Variants in SGCG observed in about 807,000 individuals in gnomAD.
SGCG encodes gamma-sarcoglycan.
Under a neutral mutation model 29.3 loss-of-function variants are expected in SGCG, and 26 were observed. The ratio of observed to expected loss-of-function variants is 0.89; its 90% CI spans 0.65 to 1.23. The LOEUF (loss-of-function observed/expected upper bound fraction) is 1.23, where lower values mean the gene tolerates loss of function less well. Among genes scored for constraint, SGCG ranks in the 50% most tolerant of loss-of-function variants. The pLI is 0.00. For synonymous variants in SGCG, 145 were observed against 129.7 expected (o/e 1.12, Z -0.80); for missense variants, 353 against 356.0 (o/e 0.99, Z 0.07).
At chr13:23,204,015 T>TCTGATTATTTAA in intron 2 of SGCG, 126 bp downstream of exon 2, 1 of 761,852 alleles carries the variant, frequency 1.3e-6, no homozygotes, top group African/African-American at 1.7e-5. Context: ...GGCTCTGAAT[T>TCTGATTATTTAA]TCAGGAGCAA....
At chr13:23,212,335 C>T (rs1356053080) in intron 2 of SGCG, among the ~76,000 whole-genome samples, 4 of 152,044 alleles carry the variant, frequency 2.6e-5, no homozygotes, top group African/African-American at 9.7e-5. Context: ...AGACAGGATC[C>T]TCCTACATTC....
chr13:23,166,039 C>T, the SGCG span, among the ~76,000 whole-genome samples: 2 of 152,078 alleles, frequency 1.3e-5, no homozygotes, highest in Non-Finnish European at 2.9e-5. Context: ...TTTCCTTTTC[C>T]TGTCCTATTG....
chr13:23,238,988 G>A (rs1050911544), intron 3 of SGCG, among the ~76,000 whole-genome samples: 1 of 151,952 alleles, frequency 6.6e-6, no homozygotes, highest in African/African-American at 2.4e-5. Flanking sequence ...CAATGTCAAG[G>A]GGCTTTATGT....
intron 2 of SGCG, among the ~76,000 whole-genome samples, chr13:23,206,726 A>G (rs996187264): frequency 1.3e-5 from 2 of 152,202 alleles, no homozygotes; most frequent in Non-Finnish European, 2.9e-5. Context: ...CAATAACATC[A>G]AAAAGAATGC....
At chr13:23,161,371 T>A in the SGCG span, among the ~76,000 whole-genome samples, 1 of 152,242 alleles carries the variant, frequency 6.6e-6, no homozygotes, top group Admixed American at 6.5e-5. Flanking sequence ...CTGTGAAACA[T>A]CTACTCATCC....
chr13:23,229,529 G>A (rs1360008835), intron 2 of SGCG, among the ~76,000 whole-genome samples: 1 of 152,098 alleles, frequency 6.6e-6, no homozygotes, highest in Non-Finnish European at 1.5e-5. Flanking sequence ...TTGTGGTTTT[G>A]ATTTCCATTT....
At position 23,285,377 on chromosome 13, in the gene SGCG, G is replaced by T. The variant is rs142022963; in HGVS notation, c.505+5899G>T. ...CGAGGCTCGGTGGGGATCCACCTAG[G>T]TCAACCTTCTCAGCGGCTTTGTTTG... On this transcript the variant is annotated intron_variant, in intron 5 of 7. Transcript: ENST00000218867. Among the ~76,000 whole-genome samples the T allele has an allele frequency of 5.0e-3, 760 of 152,196 alleles. 5 individuals carry two copies. The highest frequency in any genetic ancestry group is 0.018 in the African/African-American group (737 of 41,534).
intron 2 of SGCG, among the ~76,000 whole-genome samples, chr13:23,216,513 CTG>C (rs1407551376): frequency 6.6e-6 from 1 of 152,026 alleles, no homozygotes. Flanking sequence ...GCCAATATAA[CTG>C]TAAAAATTTA....
upstream of SGCG, among the ~76,000 whole-genome samples, chr13:23,180,799 G>A (rs989535526): frequency 3.9e-5 from 6 of 152,182 alleles, no homozygotes; most frequent in South Asian, 8.3e-4. Flanking sequence ...TTTGGCATGC[G>A]AAGAGCTGTG....
chr13:23,237,854 A>G (rs1342633065), intron 3 of SGCG, among the ~76,000 whole-genome samples: 1 of 152,170 alleles, frequency 6.6e-6, no homozygotes, highest in East Asian at 1.9e-4. Context: ...ATATCCAACT[A>G]AATAAAAAGT....
At chr13:23,314,409 A>ATATATATATAT (rs1593108262) in intron 6 of SGCG, among the ~76,000 whole-genome samples, 1 of 31,992 alleles carries the variant, frequency 3.1e-5, no homozygotes, top group Non-Finnish European at 6.3e-5. Context: ...TATATATATA[A>ATATATATATAT]TCTTATTCTG....
At chr13:23,210,281 T>C (rs570528418) in intron 2 of SGCG, among the ~76,000 whole-genome samples, 34 of 152,328 alleles carry the variant, frequency 2.2e-4, no homozygotes, top group African/African-American at 7.9e-4. Flanking sequence ...TGAGTGATCA[T>C]TTTAGCTCAT....
intron 3 of SGCG, among the ~76,000 whole-genome samples, chr13:23,249,393 T>G (rs1421481810): frequency 6.6e-6 from 1 of 152,176 alleles, no homozygotes; most frequent in Non-Finnish European, 1.5e-5. Flanking sequence ...TCACTTAAAT[T>G]TTAGAAAGGC....
At chr13:23,186,191 GTCTTA>G (rs1337329418) in intron 1 of SGCG, among the ~76,000 whole-genome samples, 1 of 152,168 alleles carries the variant, frequency 6.6e-6, no homozygotes, top group East Asian at 1.9e-4. Flanking sequence ...ACTCTGAAGG[GTCTTA>G]GCCTTGGTCA....
chr13:23,289,924 G>T (rs562108351), intron 5 of SGCG, among the ~76,000 whole-genome samples: 1 of 152,332 alleles, frequency 6.6e-6, no homozygotes, highest in African/African-American at 2.4e-5. Flanking sequence ...AATGGAGGCA[G>T]TAAGACCAGT....
At chr13:23,322,765 T>TCCCCCCCCCCCCCCCCCCCCCCCCCCCCC (rs1189871837) in intron 7 of SGCG, among the ~76,000 whole-genome samples, 2 of 61,444 alleles carry the variant, frequency 3.3e-5, no homozygotes, top group African/African-American at 6.6e-5. Context: ...CCCCCACCCA[T>TCCCCCCCCCCCCCCCCCCCCCCCCCCCCC]CCACCTCCCC....
the SGCG span, among the ~76,000 whole-genome samples, chr13:23,165,906 C>T: frequency 2.6e-5 from 4 of 152,162 alleles, no homozygotes; most frequent in Admixed American, 2.0e-4. Context: ...TCTTGCAACC[C>T]TGCTATAATT....
chr13:23,214,074 C>G (rs1330809402), intron 2 of SGCG, among the ~76,000 whole-genome samples: 3 of 152,200 alleles, frequency 2.0e-5, no homozygotes, highest in African/African-American at 7.2e-5. Flanking sequence ...TTTGTTTTAT[C>G]TGAGTTCCTT....
chr13:23,256,067 G>A lies in SGCG; in HGVS notation c.385+5350G>A, dbSNP rs527259323. Reference sequence around the variant, plus strand: ...ACCACTGAAAGTACCCATAGCCAAAGCTAGTTGACAATAACCTATAAATAT... The same window carrying A: ...ACCACTGAAAGTACCCATAGCCAAAACTAGTTGACAATAACCTATAAATAT... On this transcript the variant is annotated intron_variant, in intron 4 of 7. Transcript: ENST00000218867. Among the ~76,000 whole-genome samples, 92 of 152,226 alleles carry A rather than the reference G, an allele frequency of 6.0e-4. No homozygotes were observed. In the South Asian group the frequency reaches 0.013, roughly 21 times the overall value.
Sources: allele counts gnomAD v4.1 joint callset (sites outside exome capture counted in the v4.1 genomes callset), GRCh38; gene constraint gnomAD v4.1.1; transcripts MANE v1.5; gene names NCBI Gene and HGNC (gene_info 2026-07-23, HGNC 2026-07-21).